The following RASL10A variants were observed in gnomAD, a reference collection of about 807,000 sequenced individuals.
RASL10A encodes the protein ras-like protein family member 10A.
A neutral mutation model predicts 17.3 loss-of-function variants in RASL10A; 13 were observed. The ratio of observed to expected loss-of-function variants is 0.75; its 90% CI spans 0.49 to 1.20. The LOEUF (loss-of-function observed/expected upper bound fraction) is 1.20, where lower values mean the gene tolerates loss of function less well. Among genes scored for constraint, RASL10A ranks in the 50% most tolerant of loss-of-function variants. RASL10A has a pLI of 0.00. For missense variants in RASL10A, 307 were observed against 310.3 expected (o/e 0.99, Z 0.08); for synonymous variants, 159 against 142.2 (o/e 1.12, Z -0.84).
chr22:29,314,145 AC>A, intron 1 of RASL10A, 158 bp from the exon 2 acceptor site: 1 of 997,586 alleles, frequency 1.0e-6, no homozygotes, highest in Non-Finnish European at 1.4e-6. Context: ...CCTCATGACC[AC>A]CAGGGTAAAA....
upstream of RASL10A, among the ~76,000 whole-genome samples, chr22:29,316,210 C>A (rs935034392): frequency 2.4e-4 from 37 of 152,232 alleles, no homozygotes; most frequent in African/African-American, 8.9e-4. Flanking sequence ...AGGAAACAGG[C>A]CCGAGAGGGG....
At chr22:29,314,772 G>A (rs1057320337) in intron 1 of RASL10A, among the ~76,000 whole-genome samples, 2 of 151,912 alleles carry the variant, frequency 1.3e-5, no homozygotes, top group Admixed American at 1.3e-4. Context: ...ACCCCCAGCC[G>A]AGGCAGGCAA....
At chr22:29,318,693 T>C (rs927036859), upstream of RASL10A, among the ~76,000 whole-genome samples, 6 of 152,334 alleles carry the variant, frequency 3.9e-5, no homozygotes, top group Middle Eastern at 3.4e-3. Flanking sequence ...GGAAAGGCTG[T>C]AGGCCTCCTG....
Position 29,313,928 on chromosome 22 carries a change from G to C in RASL10A, c.279C>G (p.Tyr93Ter). 1 of 1,613,956 alleles carries C rather than the reference G, an allele frequency of 6.2e-7. No individual in the cohort carries two copies. Among genetic ancestry groups the C allele is most frequent in the Non-Finnish European group, 8.5e-7 (1 of 1,180,032 alleles). Residue 93 changes from tyrosine to a stop codon, truncating the protein, a stop_gained, in exon 2 of 3, where the codon TAC becomes TAG. Coordinates refer to ENST00000216101, the MANE Select transcript of RASL10A (RefSeq NM_006477.5). LOFTEE classifies it high-confidence loss of function. The stretch of plus-strand genomic sequence containing the variant: ...CGAAACTGTCCGGGCTGCAGATGTC[G>C]TAGACGAGCACGAAGGCGTCCGTGT... ...LQDTDAFVLVYDICSPDSFDY... is the reference protein window; with the variant it reads ...LQDTDAFVLV
rs2061428443 is a variant in RASL10A, at chr22:29,313,127, A to G, written c.*174T>C. The stretch of plus-strand genomic sequence containing the variant: ...GGAGCTTGGGACCTGGTTGGGTCCA[A>G]TGAGGTTCAAAAGGGGGCCAGTCGC... On this transcript the variant is annotated 3_prime_UTR_variant, in exon 3 of 3. Transcript: ENST00000216101. 10 of 869,810 alleles carry G rather than the reference A, an allele frequency of 1.1e-5. No individual in the cohort carries two copies. The highest frequency in any genetic ancestry group is 2.5e-5 in the South Asian group (1 of 40,582). 53.9% of individuals were successfully genotyped at this position (869,810 alleles called of 1,614,324 possible). A position where few individuals can be genotyped will look rare whatever the true frequency, so the allele number is the denominator to read the frequency against.
At position 29,313,441 on chromosome 22, in the gene RASL10A, C is replaced by A; in HGVS notation, c.472G>T (p.Glu158Ter). 1 of 1,541,136 alleles carries A rather than the reference C, an allele frequency of 6.5e-7. No homozygotes were observed. Among genetic ancestry groups the A allele is most frequent in the Non-Finnish European group, 8.7e-7 (1 of 1,147,546 alleles). The change falls in exon 3 of 3, where the codon GAG (glutamate) becomes TAG (stop). Residue 158 changes from glutamate (E) to a stop codon, truncating the protein, a stop_gained. Coordinates refer to ENST00000216101, the MANE Select transcript of RASL10A (RefSeq NM_006477.5). LOFTEE classifies it high-confidence loss of function. Reference protein sequence around the residue: ...VRRGWRCGYLECSAKYNWHVL... With the variant: ...VRRGWRCGYL ...TGCCAGTTGTACTTGGCGGAGCACT[C>A]GAGGTAGCCGCAGCGCCAGCCCCTG... is the stretch of plus-strand genomic sequence containing the variant.
At chr22:29,314,896 G>C (rs1161594511) in intron 1 of RASL10A, 132 bp downstream of exon 1, 1 of 735,230 alleles carries the variant, frequency 1.4e-6, no homozygotes, top group South Asian at 2.3e-5. Flanking sequence ...AAGTATCCCA[G>C]GACGCACACA....
chr22:29,313,674 G>GA, intron 2 of RASL10A, 106 bp from the exon 3 acceptor site: 1 of 1,388,432 alleles, frequency 7.2e-7, no homozygotes, highest in Non-Finnish European at 9.5e-7. Context: ...CAGAGACACC[G>GA]CCCCCCCCGC....
rs553940683 is a variant in RASL10A, at chr22:29,313,852, C to T, written c.344+11G>A. The T allele has an allele frequency of 2.8e-5, 45 of 1,612,698 alleles. No individual in the cohort carries two copies. In the South Asian group the frequency reaches 3.2e-4, roughly 11 times the overall value. ...CCTAGCTCCCCACCGCCAGAACTGC[C>T]GGGCCCCTACCTGGTCTCCGCGATG... On this transcript the variant is annotated intron_variant, in intron 2 of 2. Transcript: ENST00000216101.
rs1385375713 is a variant in RASL10A at position 29,313,530 on chromosome 22, C to A, written c.383G>T (p.Gly128Val). 1.3e-6 allele frequency: 2 copies of A among 1,567,502 alleles called. No individual in the cohort carries two copies. The highest frequency in any genetic ancestry group is 4.6e-5 in the East Asian group (2 of 43,476). The change falls in exon 3 of 3, where the codon GGC becomes GTC. Residue 128 changes from glycine to valine, a missense_variant. Gly to Val is a moderately radical substitution (Grantham distance 109, BLOSUM62 -3). Transcript: ENST00000216101. The part of the protein sequence containing the change: ...GAPEAPILVV[G>V]NKRDRQRLRF... ...CAGCCGCTGCCTGTCCCGCTTGTTG[C>A]CTACCACGAGGATGGGCGCTTCGGG...
chr22:29,317,715 C>G (rs1602665897), upstream of RASL10A, among the ~76,000 whole-genome samples: 1 of 150,348 alleles, frequency 6.7e-6, no homozygotes, highest in Non-Finnish European at 1.5e-5. Context: ...GATGGAGTCT[C>G]GGTCTGTCAC....
In RASL10A at chr22:29,314,050, T is replaced by A; in HGVS notation, c.220-63A>T. The stretch of plus-strand genomic sequence containing the variant: ...TCCACTCTTCCGCTCTCGAACCCTC[T>A]GCAGGGGCCTGGACGCTAATCCTCA... On this transcript the variant is annotated intron_variant, in intron 1 of 2. Transcript: ENST00000216101. 3 of 1,595,358 alleles carry A rather than the reference T, an allele frequency of 1.9e-6. No individual in the cohort carries two copies. The South Asian group carries it at 3.3e-5, about 18-fold the overall frequency.
chr22:29,313,515 C>G lies in RASL10A; in HGVS notation c.398G>C (p.Arg133Thr), dbSNP rs1386802467. The G allele has an allele frequency of 1.3e-6, 2 of 1,573,816 alleles. No individual in the cohort carries two copies. The highest frequency in any genetic ancestry group is 1.1e-5 in the South Asian group (1 of 87,948). The change falls in exon 3 of 3, where the codon AGG (arginine) becomes ACG (threonine). Residue 133 changes from arginine (R) to threonine (T), a missense_variant. By Grantham distance (71) the Arg-to-Thr change is moderately conservative. Coordinates refer to ENST00000216101, the MANE Select transcript of RASL10A (RefSeq NM_006477.5). ...CCGCGGTCCGAAGCGCAGCCGCTGC[C>G]TGTCCCGCTTGTTGCCTACCACGAG... ...PILVVGNKRDRQRLRFGPRRA... is the reference protein window; with the variant it reads ...PILVVGNKRDTQRLRFGPRRA...
intron 1 of RASL10A, 118 bp downstream of exon 1, chr22:29,314,910 C>T: frequency 1.3e-6 from 1 of 793,752 alleles, no homozygotes. Context: ...GCACACACAT[C>T]CCTCCATCCC....
At chr22:29,313,806 C>G in intron 2 of RASL10A, 57 bp downstream of exon 2, 1 of 1,601,756 alleles carries the variant, frequency 6.2e-7, no homozygotes, top group Admixed American at 1.7e-5. Flanking sequence ...TCTCCTCAGG[C>G]AAAGGCCCTG....
At chr22:29,313,829 T>G (rs1470725621) in intron 2 of RASL10A, 34 bp downstream of exon 2, 3 of 1,610,130 alleles carry the variant, frequency 1.9e-6, no homozygotes, top group Non-Finnish European at 2.5e-6. Flanking sequence ...AGACCTGTCC[T>G]AGCTCCCCAC....
intron 2 of RASL10A, 101 bp downstream of exon 2, chr22:29,313,760 AAG>A: frequency 1.3e-6 from 2 of 1,538,544 alleles, no homozygotes; most frequent in Non-Finnish European, 8.7e-7. Flanking sequence ...GCGAAGGCCT[AAG>A]ACCCGGCCCA....
Position 29,313,507 on chromosome 22 carries a change from G to A in RASL10A, c.406C>T (p.Leu136=). The A allele has an allele frequency of 1.3e-6, 2 of 1,570,616 alleles. No individual in the cohort carries two copies. The highest frequency in any genetic ancestry group is 8.6e-7 in the Non-Finnish European group (1 of 1,166,468). ...VVGNKRDRQR[L]RFGPRRALAA... ...AGCGCGCGCCGCGGTCCGAAGCGCA[G>A]CCGCTGCCTGTCCCGCTTGTTGCCT... The change falls in exon 3 of 3, where the codon CTG becomes TTG. Residue 136 remains leucine, a synonymous_variant. Coordinates refer to ENST00000216101, the MANE Select transcript of RASL10A (RefSeq NM_006477.5).
rs1372753014 is a variant in RASL10A at position 29,313,496 on chromosome 22, T to C, written c.417A>G (p.Gly139=). Residue 139 remains glycine, a synonymous_variant, in exon 3 of 3, where the codon GGA becomes GGG. Coordinates refer to ENST00000216101, the MANE Select transcript of RASL10A (RefSeq NM_006477.5). The stretch of plus-strand genomic sequence containing the variant: ...CTAGGGCGGCCAGCGCGCGCCGCGG[T>C]CCGAAGCGCAGCCGCTGCCTGTCCC... ...NKRDRQRLRF[G]PRRALAALVR... The C allele has an allele frequency of 3.2e-6, 5 of 1,564,372 alleles. No homozygotes were observed. Among genetic ancestry groups the C allele is most frequent in the Non-Finnish European group, 4.3e-6 (5 of 1,162,796 alleles).
Sources: allele counts gnomAD v4.1 joint callset (sites outside exome capture counted in the v4.1 genomes callset), GRCh38; gene constraint gnomAD v4.1.1; transcripts MANE v1.5; gene names NCBI Gene and HGNC (gene_info 2026-07-23, HGNC 2026-07-21).